GRIK4: variants seen among roughly 807,000 people sequenced by gnomAD.
The protein encoded by GRIK4 is glutamate receptor ionotropic, kainate 4.
In GRIK4, 40 loss-of-function variants were observed where a neutral mutation model predicts 104.9. The ratio of observed to expected loss-of-function variants is 0.38; its 90% CI spans 0.30 to 0.50. The LOEUF (loss-of-function observed/expected upper bound fraction) is 0.50, where lower values mean the gene tolerates loss of function less well. GRIK4 is among the 20% of genes least tolerant of loss of function. GRIK4 has a pLI of 0.93. For synonymous variants in GRIK4, 485 were observed against 524.9 expected (o/e 0.92, Z 1.04); for missense variants, 1,047 against 1,308.1 (o/e 0.80, Z 3.08).
intron 3 of GRIK4, among the ~76,000 whole-genome samples, chr11:120,697,935 C>A (rs1200052650): frequency 1.3e-5 from 2 of 152,136 alleles, no homozygotes; most frequent in East Asian, 3.9e-4. Context: ...CTGCTCCTTA[C>A]CTCCTCCTGC....
At chr11:120,644,068 GAGA>G (rs1949509860) in intron 1 of GRIK4, among the ~76,000 whole-genome samples, 1 of 145,924 alleles carries the variant, frequency 6.9e-6, no homozygotes. Flanking sequence ...AGGAGAGAGA[GAGA>G]GAGAGAGAGA....
chr11:120,823,161 C>T (rs76333758), intron 6 of GRIK4, among the ~76,000 whole-genome samples: 6,130 of 152,298 alleles, frequency 0.04, 193 homozygotes, highest in Non-Finnish European at 0.054. Flanking sequence ...TGCAGTCTTC[C>T]TCAATGCTGG....
At chr11:120,572,139 C>T (rs928691657) in intron 1 of GRIK4, among the ~76,000 whole-genome samples, 14 of 152,146 alleles carry the variant, frequency 9.2e-5, no homozygotes, top group African/African-American at 3.4e-4. Context: ...TCTCACATGG[C>T]GGAGAGCAGA....
At chr11:120,519,880 G>GT (rs11300538) in intron 1 of GRIK4, among the ~76,000 whole-genome samples, 31 of 121,602 alleles carry the variant, frequency 2.5e-4, no homozygotes, top group East Asian at 2.0e-3. Flanking sequence ...TTTTTTTTTT[G>GT]TTTTTTTTTT....
chr11:120,663,565 CT>C (rs995769686), intron 3 of GRIK4, among the ~76,000 whole-genome samples: 3 of 152,212 alleles, frequency 2.0e-5, no homozygotes, highest in Admixed American at 6.5e-5. Context: ...ACCCTTGCCC[CT>C]AACACCTTGA....
intron 1 of GRIK4, among the ~76,000 whole-genome samples, chr11:120,624,644 G>C (rs1269555010): frequency 6.6e-6 from 1 of 152,108 alleles, no homozygotes; most frequent in Non-Finnish European, 1.5e-5. Flanking sequence ...ACTTCATCTC[G>C]TACCCTGCCG....
intron 1 of GRIK4, among the ~76,000 whole-genome samples, chr11:120,617,453 C>T (rs1305719228): frequency 2.0e-5 from 3 of 152,150 alleles, no homozygotes; most frequent in African/African-American, 7.2e-5. Context: ...GATCTCAGCT[C>T]ACTGCAGCCT....
At chr11:120,898,383 T>G in intron 11 of GRIK4, 149 bp from the exon 12 acceptor site, 1 of 420,980 alleles carries the variant, frequency 2.4e-6, no homozygotes. Flanking sequence ...TGGGAAACAG[T>G]CTCCCTTCTG....
chr11:120,760,434 C>CGT (rs1555056945), intron 3 of GRIK4, among the ~76,000 whole-genome samples: 1 of 146,418 alleles, frequency 6.8e-6, no homozygotes, highest in African/African-American at 2.5e-5. Flanking sequence ...CATATATATA[C>CGT]ATATATATAT....
chr11:120,557,250 C>T (rs891126563), intron 1 of GRIK4, among the ~76,000 whole-genome samples: 4 of 152,190 alleles, frequency 2.6e-5, no homozygotes, highest in South Asian at 2.1e-4. Flanking sequence ...CGAGGACTCT[C>T]GTGTTCAGCA....
At chr11:120,962,719 T>A in intron 18 of GRIK4, 38 bp downstream of exon 18, 2 of 1,430,476 alleles carry the variant, frequency 1.4e-6, no homozygotes, top group Non-Finnish European at 2.0e-6. Flanking sequence ...GGTAGCTTTG[T>A]CCAGACAGGG....
At chr11:120,584,042 C>T (rs1948624035) in intron 1 of GRIK4, among the ~76,000 whole-genome samples, 1 of 152,160 alleles carries the variant, frequency 6.6e-6, no homozygotes, top group South Asian at 2.1e-4. Flanking sequence ...AGAAATGCTA[C>T]TGATTTTGTA....
At chr11:120,695,315 C>G (rs540649790) in intron 3 of GRIK4, among the ~76,000 whole-genome samples, 1 of 152,366 alleles carries the variant, frequency 6.6e-6, no homozygotes, top group African/African-American at 2.4e-5. Context: ...TGGCATTGGG[C>G]AGCTCTCCCA....
intron 11 of GRIK4, among the ~76,000 whole-genome samples, chr11:120,880,078 CTAGT>C (rs528984471): frequency 3.7e-4 from 57 of 152,196 alleles, no homozygotes; most frequent in Non-Finnish European, 6.9e-4. Context: ...TTTGCTATTC[CTAGT>C]TAAAGATGCA....
rs867889429 is a variant in GRIK4, at chr11:120,535,190, C to G, written c.-159+23303C>G. On this transcript the variant is annotated intron_variant, in intron 1 of 20. Transcript: ENST00000527524. ...TCTTGTGAGCCTGTCTGAGCAGGCT[C>G]CAGCACACCCGGGAGAGAGCCTGGT... Among the ~76,000 whole-genome samples the G allele has an allele frequency of 5.3e-5, 8 of 152,102 alleles. No individual in the cohort carries two copies. The South Asian group carries it at 1.0e-3, about 20-fold the overall frequency.
chr11:120,932,360 C>T (rs1591299800), intron 13 of GRIK4, among the ~76,000 whole-genome samples: 1 of 152,088 alleles, frequency 6.6e-6, no homozygotes, highest in Admixed American at 6.5e-5. Context: ...GGGGAGGGGG[C>T]ATTGGGCTCT....
At chr11:120,800,377 A>T (rs907578690) in intron 3 of GRIK4, among the ~76,000 whole-genome samples, 2 of 152,048 alleles carry the variant, frequency 1.3e-5, no homozygotes, top group Non-Finnish European at 2.9e-5. Flanking sequence ...TCTAGTTGCA[A>T]GGTCGTCATT....
chr11:120,862,394 A>G, intron 9 of GRIK4: 1 of 331,042 alleles, frequency 3.0e-6, no homozygotes, highest in Non-Finnish European at 5.5e-6. Context: ...TCTCAATAAT[A>G]CAATTGCCGA....
chr11:120,867,294 C>A (rs1412850446), intron 9 of GRIK4, among the ~76,000 whole-genome samples: 1 of 152,158 alleles, frequency 6.6e-6, no homozygotes, highest in African/African-American at 2.4e-5. Context: ...AAATTCACAG[C>A]ACAAACAGCC....
Sources: allele counts gnomAD v4.1 joint callset (sites outside exome capture counted in the v4.1 genomes callset), GRCh38; gene constraint gnomAD v4.1.1; transcripts MANE v1.5; gene names NCBI Gene and HGNC (gene_info 2026-07-23, HGNC 2026-07-21).